SCN8A: variants seen among roughly 807,000 people sequenced by gnomAD.
The protein encoded by SCN8A is sodium channel protein type 8 subunit alpha.
SCN8A carries 30 observed loss-of-function variants against 184.1 expected under a neutral mutation model. The observed-to-expected ratio is 0.16, with a 90% confidence interval of 0.12 to 0.22. SCN8A has a LOEUF of 0.22. Ranked by LOEUF, SCN8A falls within the 10% of genes least tolerant of loss-of-function variation. The pLI is 1.00. For synonymous variants in SCN8A, 852 were observed against 907.0 expected, an observed-to-expected ratio of 0.94 and a Z score of 1.09; for missense variants, 1,057 against 2,498.9, an observed-to-expected ratio of 0.42 and a Z score of 12.30.
chr12:51,794,691 G>A lies in SCN8A; in HGVS notation c.4795+50G>A, dbSNP rs767064751. 12 of 1,557,028 alleles carry A rather than the reference G, an allele frequency of 7.7e-6. No homozygotes were observed. In the East Asian group the frequency reaches 2.7e-4, roughly 35 times the overall value. Reference sequence around the variant, plus strand: ...GAGGGGAAAGGGGACCTGACTGATTGTGAGGATGAGATTTCCCAGGAGAGG... The same window carrying A: ...GAGGGGAAAGGGGACCTGACTGATTATGAGGATGAGATTTCCCAGGAGAGG... On this transcript the variant is annotated intron_variant, in intron 26 of 26. Transcript: ENST00000627620.
intron 1 of SCN8A, among the ~76,000 whole-genome samples, chr12:51,645,960 A>ATAAT (rs1555212643): frequency 2.4e-3 from 35 of 14,614 alleles, no homozygotes; most frequent in African/African-American, 4.0e-3. Flanking sequence ...TAAAAAAAAA[A>ATAAT]AAAAATAATA....
intron 11 of SCN8A, chr12:51,712,748 CT>C: frequency 1.8e-6 from 2 of 1,138,506 alleles, no homozygotes; most frequent in Non-Finnish European, 2.6e-6. Context: ...CCATAGCCCC[CT>C]CTACTACTAT....
At chr12:51,747,295 T>G (rs1472820965) in intron 13 of SCN8A, among the ~76,000 whole-genome samples, 1 of 152,232 alleles carries the variant, frequency 6.6e-6, no homozygotes, top group Non-Finnish European at 1.5e-5. Flanking sequence ...TAACAACCTC[T>G]GTTTATTCCT....
chr12:51,796,493 T>C (rs1473412407), intron 26 of SCN8A, among the ~76,000 whole-genome samples: 2 of 152,260 alleles, frequency 1.3e-5, no homozygotes, highest in African/African-American at 2.4e-5. Context: ...GGGATTTTTA[T>C]TAACATTAAT....
intron 4 of SCN8A, 72 bp from the exon 5 acceptor site, chr12:51,687,019 A>T: frequency 6.5e-7 from 1 of 1,540,810 alleles, no homozygotes; most frequent in Non-Finnish European, 9.0e-7. Context: ...CACTTCAGGC[A>T]AGTGCTAACT....
intron 18 of SCN8A, chr12:51,770,248 G>A: frequency 1.7e-6 from 1 of 585,624 alleles, no homozygotes; most frequent in Non-Finnish European, 3.0e-6. Flanking sequence ...GTCCTGTTCT[G>A]TCATGGCTGT....
At chr12:51,777,189 A>G (rs560574721) in intron 20 of SCN8A, among the ~76,000 whole-genome samples, 11 of 152,302 alleles carry the variant, frequency 7.2e-5, no homozygotes, top group African/African-American at 2.6e-4. Flanking sequence ...ATCATTTTGG[A>G]AAAATCACCT....
chr12:51,717,714 A>G (rs1941989198), intron 11 of SCN8A, among the ~76,000 whole-genome samples: 1 of 152,244 alleles, frequency 6.6e-6, no homozygotes, highest in Non-Finnish European at 1.5e-5. Context: ...ACATCTACTC[A>G]TAAATGAGGC....
At chr12:51,641,478 C>G (rs1940452833) in intron 1 of SCN8A, among the ~76,000 whole-genome samples, 1 of 152,194 alleles carries the variant, frequency 6.6e-6, no homozygotes, top group Admixed American at 6.5e-5. Flanking sequence ...AGTCTAAGTC[C>G]TAGCTCTGCT....
intron 11 of SCN8A, among the ~76,000 whole-genome samples, chr12:51,707,478 A>T (rs1941803515): frequency 6.6e-6 from 1 of 152,130 alleles, no homozygotes; most frequent in South Asian, 2.1e-4. Flanking sequence ...TGGGGGAAAG[A>T]TGTAGGCTGG....
rs534298958 is a variant in SCN8A at position 51,764,814 on chromosome 12, G to A, written c.2545-857G>A. ...TTCTTAGACATAGTCTCATTCTGCT[G>A]TCCAGGTTGAAGTGCAGTGGTGTGA... On this transcript the variant is annotated intron_variant, in intron 15 of 26. Coordinates refer to ENST00000627620, the MANE Select transcript of SCN8A (RefSeq NM_001330260.2). Among the ~76,000 whole-genome samples, 95 of 143,192 alleles carry A rather than the reference G, an allele frequency of 6.6e-4. No homozygotes were observed. The South Asian group carries it at 9.6e-3, about 14-fold the overall frequency. 93.9% of individuals were successfully genotyped at this position (143,192 alleles called of 152,430 possible). A position where few individuals can be genotyped will look rare whatever the true frequency, so the allele number is the denominator to read the frequency against.
At chr12:51,763,406 T>A (rs924539232) in intron 15 of SCN8A, among the ~76,000 whole-genome samples, 1 of 152,242 alleles carries the variant, frequency 6.6e-6, no homozygotes, top group Non-Finnish European at 1.5e-5. Context: ...ATGTTTAAGG[T>A]AGGCTAGGCT....
intron 6 of SCN8A, 92 bp downstream of exon 6, chr12:51,689,188 G>A: frequency 1.1e-6 from 1 of 937,552 alleles, no homozygotes; most frequent in Non-Finnish European, 1.6e-6. Context: ...CATCAGTACA[G>A]TTGATAATGG....
intron 1 of SCN8A, among the ~76,000 whole-genome samples, chr12:51,650,123 C>T (rs539780828): frequency 3.9e-5 from 6 of 152,200 alleles, no homozygotes; most frequent in Non-Finnish European, 5.9e-5. Flanking sequence ...GTCACCTTTG[C>T]TGCAGTTCCC....
chr12:51,656,405 C>T (rs1940822474), intron 1 of SCN8A, among the ~76,000 whole-genome samples: 1 of 151,950 alleles, frequency 6.6e-6, no homozygotes, highest in Non-Finnish European at 1.5e-5. Context: ...CACAGATTTC[C>T]TAGAATAAAA....
chr12:51,684,678 AG>A (rs1369234775), intron 3 of SCN8A, among the ~76,000 whole-genome samples: 1 of 152,228 alleles, frequency 6.6e-6, no homozygotes, highest in Non-Finnish European at 1.5e-5. Context: ...AGTTACAAAT[AG>A]TTGGATGAAT....
Position 51,755,172 on chromosome 12 carries a change from G to A in SCN8A, c.2370+3579G>A, listed in dbSNP as rs1325114878. 2.6e-5 allele frequency among the ~76,000 whole-genome samples: 4 copies of A among 152,216 alleles called. No homozygotes were observed. The East Asian group carries it at 7.7e-4, about 29-fold the overall frequency. On this transcript the variant is annotated intron_variant, in intron 14 of 26. Coordinates refer to ENST00000627620, the MANE Select transcript of SCN8A (RefSeq NM_001330260.2). ...TTCAAGAACCTATTGAGGACATTAAGTGAGGACTTACTGTATACTTAATAG... is the reference window on the plus strand; with the variant it reads ...TTCAAGAACCTATTGAGGACATTAAATGAGGACTTACTGTATACTTAATAG...
At chr12:51,786,966 A>T in intron 22 of SCN8A, 140 bp downstream of exon 22, 1 of 837,686 alleles carries the variant, frequency 1.2e-6, no homozygotes. Context: ...ATTGTTCCCC[A>T]AACCAGTTTC....
At chr12:51,778,801 CT>C (rs1194538691) in intron 20 of SCN8A, among the ~76,000 whole-genome samples, 2 of 151,908 alleles carry the variant, frequency 1.3e-5, no homozygotes, top group African/African-American at 4.8e-5. Context: ...TCTAAATTTT[CT>C]TTAAAATATC....
Sources: gnomAD v4.1 joint callset for allele counts (sites outside exome capture counted in the v4.1 genomes callset) on GRCh38, gnomAD v4.1.1 for gene constraint, MANE v1.5 for transcripts, NCBI Gene and HGNC (gene_info 2026-07-23, HGNC 2026-07-21) for gene names.